The following TENM3 variants were observed in gnomAD, a reference collection of about 807,000 sequenced individuals.
TENM3 encodes the protein teneurin-3.
TENM3 carries 63 observed loss-of-function variants against 255.1 expected under a neutral mutation model. The ratio of observed to expected loss-of-function variants is 0.25; its 90% CI spans 0.20 to 0.30. TENM3 has a LOEUF of 0.30. Among genes scored for constraint, TENM3 ranks in the 10% least tolerant of loss-of-function variants. TENM3 has a pLI of 1.00. For synonymous variants in TENM3, 1,306 were observed against 1,322.3 expected (o/e 0.99, Z 0.27); for missense variants, 2,929 against 3,461.1 (o/e 0.85, Z 3.86).
the TENM3 span, among the ~76,000 whole-genome samples, chr4:182,122,608 A>G: frequency 2.0e-5 from 3 of 152,204 alleles, no homozygotes; most frequent in Non-Finnish European, 4.4e-5. Flanking sequence ...CCAATAAACC[A>G]TGGTGTAAAC....
the TENM3 span, among the ~76,000 whole-genome samples, chr4:182,137,081 G>A: frequency 6.6e-6 from 1 of 152,216 alleles, no homozygotes; most frequent in South Asian, 2.1e-4. Flanking sequence ...GGGGTTCATG[G>A]AAGCATGGCT....
chr4:182,208,483 C>G (rs890037635), intron 1 of TENM3, among the ~76,000 whole-genome samples: 1 of 152,126 alleles, frequency 6.6e-6, no homozygotes, highest in African/African-American at 2.4e-5. Context: ...CCACACATTT[C>G]CACACATTTT....
At chr4:182,149,196 A>G (rs1240367044) in intron 1 of TENM3, among the ~76,000 whole-genome samples, 2 of 151,992 alleles carry the variant, frequency 1.3e-5, no homozygotes, top group Non-Finnish European at 2.9e-5. Flanking sequence ...TAAGACATCC[A>G]TTTAAAATAG....
At chr4:181,547,492 T>TA in the TENM3 span, among the ~76,000 whole-genome samples, 1 of 152,062 alleles carries the variant, frequency 6.6e-6, no homozygotes, top group Non-Finnish European at 1.5e-5. Context: ...TAAGGAAATA[T>TA]AAAATCAAAA....
chr4:181,936,985 A>G, the TENM3 span, among the ~76,000 whole-genome samples: 31 of 152,328 alleles, frequency 2.0e-4, no homozygotes, highest in South Asian at 5.8e-3. Flanking sequence ...GTGTTGTTGT[A>G]AAGAGGTAAC....
chr4:182,673,265 A>G lies in TENM3; in HGVS notation c.1326+46A>G, dbSNP rs765887590. On this transcript the variant is annotated intron_variant, in intron 7 of 27. Transcript: ENST00000511685. ...CAATAAAATAAAAACTGCCAGTTGCATTTTTTGAAATTATTCTCTTTCTTA... is the reference window on the plus strand; with the variant it reads ...CAATAAAATAAAAACTGCCAGTTGCGTTTTTTGAAATTATTCTCTTTCTTA... 2.4e-5 allele frequency: 32 copies of G among 1,322,498 alleles called. 1 individual carries two copies. Among genetic ancestry groups the G allele is most frequent in the Admixed American group, 6.5e-5 (3 of 46,106 alleles). The allele number at this position is 1,322,498 out of a possible 1,614,324, so 81.9% of individuals were successfully genotyped here.
At chr4:182,320,414 G>C (rs1019590273) in intron 1 of TENM3, among the ~76,000 whole-genome samples, 1 of 152,160 alleles carries the variant, frequency 6.6e-6, no homozygotes, top group Non-Finnish European at 1.5e-5. Context: ...GTGGCCATTC[G>C]TGCTCCTTGG....
the TENM3 span, among the ~76,000 whole-genome samples, chr4:182,043,363 T>C: frequency 6.6e-6 from 1 of 152,206 alleles, no homozygotes; most frequent in African/African-American, 2.4e-5. Flanking sequence ...CATTGTGTAT[T>C]TCTTCAGTTA....
At chr4:182,031,310 A>G in the TENM3 span, among the ~76,000 whole-genome samples, 1 of 152,154 alleles carries the variant, frequency 6.6e-6, no homozygotes, top group Admixed American at 6.5e-5. Context: ...TTAAATAGGG[A>G]ATTATTTCTC....
At chr4:181,495,579 G>C in the TENM3 span, among the ~76,000 whole-genome samples, 1 of 146,802 alleles carries the variant, frequency 6.8e-6, no homozygotes, top group Non-Finnish European at 1.5e-5. Context: ...GAGAGAGAGA[G>C]AGACATTCAT....
At chr4:181,845,963 C>CAGA in the TENM3 span, among the ~76,000 whole-genome samples, 1 of 152,296 alleles carries the variant, frequency 6.6e-6, no homozygotes, top group Non-Finnish European at 1.5e-5. Flanking sequence ...AATAAGCTTT[C>CAGA]AGAGCCTGGT....
chr4:182,576,450 G>A (rs758836821), intron 3 of TENM3, among the ~76,000 whole-genome samples: 19 of 152,122 alleles, frequency 1.2e-4, no homozygotes, highest in Admixed American at 2.6e-4. Context: ...AGCAATATAA[G>A]CCAGTCCTGT....
intron 3 of TENM3, among the ~76,000 whole-genome samples, chr4:182,463,748 C>T (rs1339795896): frequency 3.3e-5 from 5 of 151,836 alleles, no homozygotes; most frequent in African/African-American, 1.2e-4. Flanking sequence ...CTCAGCCTTC[C>T]GAGTAGCTGG....
At chr4:182,016,493 T>A in the TENM3 span, among the ~76,000 whole-genome samples, 1,031 of 152,302 alleles carry the variant, frequency 6.8e-3, 11 homozygotes, top group African/African-American at 0.023. Flanking sequence ...TTAGGGTCCT[T>A]GAGACTGGTC....
rs570010989 is a variant in TENM3 at position 182,544,438 on chromosome 4, C to G, written c.512-56486C>G. Among the ~76,000 whole-genome samples, 25 of 147,238 alleles carry G rather than the reference C, an allele frequency of 1.7e-4. 1 individual carries two copies. Among genetic ancestry groups the G allele is most frequent in the Middle Eastern group, 7.2e-3 (2 of 276 alleles). On this transcript the variant is annotated intron_variant, in intron 3 of 27. Coordinates refer to ENST00000511685, the MANE Select transcript of TENM3 (RefSeq NM_001080477.4). ...CTCTGCCTCCCGGGTTCAAGCGACT[C>G]TCCTACCTCAGTCTCTCGAGTAGCC...
the TENM3 span, among the ~76,000 whole-genome samples, chr4:181,965,391 T>A: frequency 6.6e-6 from 1 of 152,316 alleles, no homozygotes; most frequent in South Asian, 2.1e-4. Context: ...AAAAGTAGCA[T>A]GTACATATTG....
chr4:182,191,207 G>A (rs143739847), intron 1 of TENM3, among the ~76,000 whole-genome samples: 8 of 152,216 alleles, frequency 5.3e-5, no homozygotes, highest in African/African-American at 1.4e-4. Context: ...ATTCATTTAC[G>A]TAAAGATTGA....
the TENM3 span, among the ~76,000 whole-genome samples, chr4:181,743,053 C>T: frequency 6.6e-6 from 1 of 151,876 alleles, no homozygotes; most frequent in Non-Finnish European, 1.5e-5. Context: ...ATATGTGCCA[C>T]ATTTTCTTAA....
At chr4:182,529,848 T>C (rs1364621656) in intron 3 of TENM3, among the ~76,000 whole-genome samples, 1 of 152,186 alleles carries the variant, frequency 6.6e-6, no homozygotes, top group Admixed American at 6.5e-5. Context: ...GTGTGATAAA[T>C]ACAGTAAGTA....
Sources: allele counts gnomAD v4.1 joint callset (sites outside exome capture counted in the v4.1 genomes callset), GRCh38; gene constraint gnomAD v4.1.1; transcripts MANE v1.5; gene names NCBI Gene and HGNC (gene_info 2026-07-23, HGNC 2026-07-21).